Variants in TP53BP2 observed in about 807,000 individuals in gnomAD.
The protein encoded by TP53BP2 is tumor protein p53 binding protein 2, also known as apoptosis-stimulating of p53 protein 2.
Under a neutral mutation model 126.2 loss-of-function variants are expected in TP53BP2, and 62 were observed. The ratio of observed to expected loss-of-function variants is 0.49; its 90% CI spans 0.40 to 0.61. The LOEUF (loss-of-function observed/expected upper bound fraction) is 0.61, where lower values mean the gene tolerates loss of function less well. Ranked by LOEUF, TP53BP2 falls within the 20% of genes least tolerant of loss-of-function variation. TP53BP2 has a pLI of 0.00. For missense variants in TP53BP2, 1,215 were observed against 1,402.8 expected, an observed-to-expected ratio of 0.87 and a Z score of 2.14; for synonymous variants, 485 against 502.9, an observed-to-expected ratio of 0.96 and a Z score of 0.48.
intron 9 of TP53BP2, 55 bp downstream of exon 9, chr1:223,802,061 C>G (rs538961067): frequency 2.2e-5 from 34 of 1,515,614 alleles, no homozygotes; most frequent in Admixed American, 6.0e-5. Context: ...TAAACTCAAA[C>G]TTGGGAGAAA....
chr1:223,809,625 G>T (rs554666702), intron 4 of TP53BP2, among the ~76,000 whole-genome samples: 1 of 151,846 alleles, frequency 6.6e-6, no homozygotes, highest in African/African-American at 2.4e-5. Flanking sequence ...AGAAAAAGAA[G>T]AATCTGAAGA....
rs780000532 is a variant in TP53BP2 at position 223,798,692 on chromosome 1, T to C, written c.1486-15A>G. ...TTATTTGCAACCTATAACACACACA[T>C]AAAAAGCCAGTTAAAATACTATATA... On this transcript the variant is annotated splice_polypyrimidine_tract_variant and intron_variant, in intron 11 of 17. Coordinates refer to ENST00000343537, the MANE Select transcript of TP53BP2 (RefSeq NM_001031685.3). 5.1e-6 allele frequency: 8 copies of C among 1,566,708 alleles called. No individual in the cohort carries two copies. The South Asian group carries it at 7.2e-5, about 14-fold the overall frequency.
At chr1:223,801,905 T>C (rs1662538277) in intron 9 of TP53BP2, 2 of 408,942 alleles carry the variant, frequency 4.9e-6, no homozygotes. Flanking sequence ...CTGAATAGAA[T>C]TGTATTATTT....
chr1:223,815,073 C>A (rs1244285086), intron 2 of TP53BP2, among the ~76,000 whole-genome samples: 1 of 152,146 alleles, frequency 6.6e-6, no homozygotes, highest in Admixed American at 6.5e-5. Flanking sequence ...ACGAGACACA[C>A]TGTTTGAGGA....
At chr1:223,805,786 T>C (rs929884022) in intron 5 of TP53BP2, among the ~76,000 whole-genome samples, 4 of 152,204 alleles carry the variant, frequency 2.6e-5, no homozygotes, top group African/African-American at 9.7e-5. Flanking sequence ...CAAATCCAGC[T>C]TGCTATCTTG....
In TP53BP2 at chr1:223,845,885, C is replaced by G. The variant is rs1571884808; in HGVS notation, c.-205G>C. Reference sequence around the variant, plus strand: ...GGCTCCCCCGCCCCGGCCGGGCCCCCTGACGCGGCTTTGTCTCTTCGACGC... The same window carrying G: ...GGCTCCCCCGCCCCGGCCGGGCCCCGTGACGCGGCTTTGTCTCTTCGACGC... On this transcript the variant is annotated 5_prime_UTR_variant, in exon 1 of 18. Transcript: ENST00000343537. 2.2e-5 allele frequency: 7 copies of G among 312,776 alleles called. No homozygotes were observed. The East Asian group carries it at 3.9e-4, about 17-fold the overall frequency. 19.4% of individuals were successfully genotyped at this position (312,776 alleles called of 1,614,324 possible).
In TP53BP2 at chr1:223,796,014, C is replaced by A. The variant is rs1223526616; in HGVS notation, c.2525G>T (p.Gly842Val). ...PSPGLDYEPE[G>V]VPDNSPNLQN... ...GAGATTTGGGCTGTTGTCTGGGACT[C>A]CCTCAGGCTCATAATCAAGGCCTGG... The change falls in exon 13 of 18, where the codon GGA (glycine) becomes GTA (valine). Residue 842 changes from glycine to valine, a missense_variant. This residue lies in a region of TP53BP2 where 204 missense variants were observed against 225.7 expected (regional missense o/e 0.90). Coordinates refer to ENST00000343537, the MANE Select transcript of TP53BP2 (RefSeq NM_001031685.3). The surrounding 1 kb of genome is among the most constrained non-coding windows in gnomAD (Gnocchi z 4.2). 1.2e-6 allele frequency: 2 copies of A among 1,613,914 alleles called. No individual in the cohort carries two copies. Among genetic ancestry groups the A allele is most frequent in the South Asian group, 1.1e-5 (1 of 91,060 alleles).
chr1:223,834,362 C>A (rs1663848918), intron 1 of TP53BP2, among the ~76,000 whole-genome samples: 1 of 152,146 alleles, frequency 6.6e-6, no homozygotes, highest in Non-Finnish European at 1.5e-5. Flanking sequence ...AGTTTAAGAA[C>A]CACTGCATTA....
At chr1:223,839,692 C>A (rs961598503) in intron 1 of TP53BP2, among the ~76,000 whole-genome samples, 8 of 152,172 alleles carry the variant, frequency 5.3e-5, no homozygotes, top group Non-Finnish European at 4.4e-5. Context: ...GTAATCCCAG[C>A]ACTTTGGGAG....
Position 223,807,170 on chromosome 1 carries a change from CT to C in TP53BP2, c.373-224del, listed in dbSNP as rs1474529663. 2.0e-5 allele frequency among the ~76,000 whole-genome samples: 3 copies of C among 152,252 alleles called. No homozygotes were observed. The East Asian group carries it at 5.8e-4, about 29-fold the overall frequency. On this transcript the variant is annotated intron_variant, in intron 4 of 17. Transcript: ENST00000343537. ...GTAAAACACACTAATATACAATAAT[CT>C]TTTATTTTAAGTTGCAAGTTTAAAA...
intron 4 of TP53BP2, among the ~76,000 whole-genome samples, chr1:223,807,749 T>C (rs2102859092): frequency 6.6e-6 from 1 of 152,196 alleles, no homozygotes; most frequent in African/African-American, 2.4e-5. Context: ...ATTTAATAAA[T>C]AGGTAAGATG....
At chr1:223,842,569 A>G (rs745805584) in intron 1 of TP53BP2, among the ~76,000 whole-genome samples, 9 of 152,216 alleles carry the variant, frequency 5.9e-5, no homozygotes, top group Non-Finnish European at 1.2e-4. Context: ...TTTTGTAAAT[A>G]ATTTTTTAAA....
intron 2 of TP53BP2, among the ~76,000 whole-genome samples, chr1:223,816,122 A>G (rs1663078384): frequency 6.6e-6 from 1 of 152,220 alleles, no homozygotes; most frequent in Non-Finnish European, 1.5e-5. Context: ...CCTGCAGATG[A>G]AATACATCTA....
Position 223,835,839 on chromosome 1 carries a change from G to A in TP53BP2, c.27+9815C>T, listed in dbSNP as rs141792252. Among the ~76,000 whole-genome samples the A allele has an allele frequency of 2.3e-3, 349 of 152,178 alleles. 1 individual carries two copies. Among genetic ancestry groups the A allele is most frequent in the African/African-American group, 8.0e-3 (331 of 41,504 alleles). On this transcript the variant is annotated intron_variant, in intron 1 of 17. Transcript: ENST00000343537. ...ACAATGAAGAAGCACTGCAAACCAC[G>A]AAAAGGGTGCAATGTTGAGAAATGA...
In TP53BP2 at chr1:223,796,723, T is replaced by C. The variant is rs1313981562; in HGVS notation, c.1949-133A>G. ...GTTACTACATAATCCCCTTCAAATATAATTAATTTTTAAAAATAAATGACA... is the reference window on the plus strand; with the variant it reads ...GTTACTACATAATCCCCTTCAAATACAATTAATTTTTAAAAATAAATGACA... On this transcript the variant is annotated intron_variant, in intron 12 of 17. Coordinates refer to ENST00000343537, the MANE Select transcript of TP53BP2 (RefSeq NM_001031685.3). The surrounding 1 kb of genome is among the most constrained non-coding windows in gnomAD (Gnocchi z 4.2). 3.9e-6 allele frequency: 3 copies of C among 772,924 alleles called. No individual in the cohort carries two copies. The highest frequency in any genetic ancestry group is 1.8e-5 in the African/African-American group (1 of 56,774). The allele number at this position is 772,924 out of a possible 1,614,324, so 47.9% of individuals were successfully genotyped here.
At chr1:223,790,152 G>A (rs1662103595) in intron 15 of TP53BP2, among the ~76,000 whole-genome samples, 1 of 151,980 alleles carries the variant, frequency 6.6e-6, no homozygotes. Context: ...CAGCTACTGG[G>A]GAGGCTGAGG....
chr1:223,806,895 G>A lies in TP53BP2; in HGVS notation c.425C>T (p.Ser142Phe), dbSNP rs1662740014. 1 of 1,614,000 alleles carries A rather than the reference G, an allele frequency of 6.2e-7. No homozygotes were observed. The highest frequency in any genetic ancestry group is 8.5e-7 in the Non-Finnish European group (1 of 1,179,952). Residue 142 changes from serine (S) to phenylalanine (F), a missense_variant, in exon 5 of 18, where the codon TCT becomes TTT. Around this residue, in one of 4 missense-constraint regions of TP53BP2, gnomAD observed 814 missense variants for 853.0 expected, o/e 0.95. Transcript: ENST00000343537. ...LTLAELQEMA[S>F]RQQQQIEAQQ... Reference sequence around the variant, plus strand: ...GGCTTCAATCTGTTGCTGCTGGCGAGATGCCATTTCCTGAAGTTCAGCAAG... The same window carrying A: ...GGCTTCAATCTGTTGCTGCTGGCGAAATGCCATTTCCTGAAGTTCAGCAAG...
intron 16 of TP53BP2, among the ~76,000 whole-genome samples, chr1:223,788,414 T>A (rs1212167916): frequency 1.3e-5 from 2 of 152,106 alleles, no homozygotes; most frequent in Non-Finnish European, 2.9e-5. Flanking sequence ...ACAAAAAAAA[T>A]TTTCCTTGTA....
intron 1 of TP53BP2, among the ~76,000 whole-genome samples, chr1:223,839,929 G>C (rs1033751230): frequency 6.6e-5 from 10 of 151,542 alleles, no homozygotes; most frequent in Admixed American, 4.6e-4. Flanking sequence ...GATAGAGCAA[G>C]ACTCTGTCTA....
Sources: allele counts gnomAD v4.1 joint callset (sites outside exome capture counted in the v4.1 genomes callset), GRCh38; gene constraint gnomAD v4.1.1; regional missense constraint gnomAD v4.1.1; non-coding constraint Gnocchi (gnomAD v3.1); transcripts MANE v1.5; gene names NCBI Gene and HGNC (gene_info 2026-07-23, HGNC 2026-07-21).